The following ZBTB7C variants were observed in gnomAD, a reference collection of about 807,000 sequenced individuals.
ZBTB7C encodes the protein zinc finger and BTB domain-containing protein 7C.
A neutral mutation model predicts 25.7 loss-of-function variants in ZBTB7C; 8 were observed. The ratio of observed to expected loss-of-function variants is 0.31; its 90% CI spans 0.18 to 0.56. ZBTB7C has a LOEUF of 0.56. ZBTB7C is among the 20% of genes least tolerant of loss of function. The pLI, the probability that ZBTB7C is intolerant of heterozygous loss-of-function variation, is 0.91. For synonymous variants in ZBTB7C, 394 were observed against 369.0 expected, an observed-to-expected ratio of 1.07 and a Z score of -0.78; for missense variants, 824 against 855.2, an observed-to-expected ratio of 0.96 and a Z score of 0.46.
At chr18:48,047,195 C>T (rs996233475) in intron 3 of ZBTB7C, among the ~76,000 whole-genome samples, 1 of 152,168 alleles carries the variant, frequency 6.6e-6, no homozygotes, top group African/African-American at 2.4e-5. Flanking sequence ...CCTAAGATTC[C>T]CATGCCCTGG....
chr18:48,050,101 G>A (rs1305635463), intron 3 of ZBTB7C, among the ~76,000 whole-genome samples: 5 of 152,186 alleles, frequency 3.3e-5, no homozygotes, highest in Non-Finnish European at 2.9e-5. Context: ...GTTGGGCAGC[G>A]GCTACCTGCG....
chr18:48,282,834 A>G (rs56260339), intron 2 of ZBTB7C, among the ~76,000 whole-genome samples: 8,124 of 152,282 alleles, frequency 0.053, 260 homozygotes, highest in Non-Finnish European at 0.072. Context: ...AAGTCAGGAC[A>G]ATGGTTACCC....
At chr18:48,228,952 C>T (rs1409258490) in intron 2 of ZBTB7C, among the ~76,000 whole-genome samples, 1 of 152,120 alleles carries the variant, frequency 6.6e-6, no homozygotes, top group African/African-American at 2.4e-5. Flanking sequence ...AGCTGGCTCT[C>T]CAGTGGCAGC....
intron 2 of ZBTB7C, among the ~76,000 whole-genome samples, chr18:48,225,941 C>A (rs1320511638): frequency 6.6e-6 from 1 of 152,158 alleles, no homozygotes. Flanking sequence ...CGGGGTTTCA[C>A]CATGTTGGGC....
At chr18:48,209,121 G>C (rs2145236961) in intron 2 of ZBTB7C, among the ~76,000 whole-genome samples, 1 of 152,386 alleles carries the variant, frequency 6.6e-6, no homozygotes, top group Non-Finnish European at 1.5e-5. Context: ...AAAGAGGACA[G>C]AAAAGGGGTC....
chr18:48,276,152 A>G (rs2044644342), intron 2 of ZBTB7C, among the ~76,000 whole-genome samples: 2 of 152,036 alleles, frequency 1.3e-5, no homozygotes, highest in African/African-American at 4.8e-5. Flanking sequence ...AGGATCTCCT[A>G]TTGTAAAATT....
At chr18:48,348,947 C>A (rs1469384157) in intron 1 of ZBTB7C, among the ~76,000 whole-genome samples, 2 of 152,230 alleles carry the variant, frequency 1.3e-5, no homozygotes, top group Non-Finnish European at 2.9e-5. Flanking sequence ...GCTGTGCCTG[C>A]TGCCCCTCTG....
chr18:48,078,995 T>C lies in ZBTB7C; in HGVS notation c.-16-37872A>G, dbSNP rs115120203. 4.0e-3 allele frequency among the ~76,000 whole-genome samples: 611 copies of C among 152,388 alleles called. 6 individuals carry two copies. The highest frequency in any genetic ancestry group is 0.014 in the African/African-American group (574 of 41,594). On this transcript the variant is annotated intron_variant, in intron 3 of 4. Transcript: ENST00000590800. ...TCGGTTTAGTTTTGACTATTGTGAA[T>C]AGCGCTGCTGTGAATGTTGATGTAC...
chr18:48,141,220 C>G (rs867738916), intron 3 of ZBTB7C, among the ~76,000 whole-genome samples: 1 of 151,526 alleles, frequency 6.6e-6, no homozygotes. Flanking sequence ...AAATGCTCCC[C>G]CAACTTTGGG....
chr18:48,090,515 G>T (rs1382046016), intron 3 of ZBTB7C, among the ~76,000 whole-genome samples: 4 of 152,226 alleles, frequency 2.6e-5, no homozygotes, highest in African/African-American at 4.8e-5. Context: ...ACTTCTCCCT[G>T]CTGTGGGCCT....
At chr18:48,183,764 A>G (rs2041987220) in intron 3 of ZBTB7C, among the ~76,000 whole-genome samples, 1 of 152,176 alleles carries the variant, frequency 6.6e-6, no homozygotes, top group Admixed American at 6.5e-5. Context: ...TGGAAGCTGC[A>G]CCACCAGCAA....
At chr18:48,306,103 C>T (rs2045667438) in intron 2 of ZBTB7C, among the ~76,000 whole-genome samples, 1 of 152,240 alleles carries the variant, frequency 6.6e-6, no homozygotes, top group Non-Finnish European at 1.5e-5. Flanking sequence ...CCTGAGCACA[C>T]TCCCTATGCA....
intron 3 of ZBTB7C, among the ~76,000 whole-genome samples, chr18:48,097,012 A>G (rs2038658996): frequency 6.6e-6 from 1 of 152,258 alleles, no homozygotes; most frequent in Admixed American, 6.5e-5. Context: ...GGTCGCAGAT[A>G]CATGGAATAA....
At chr18:48,269,003 C>G (rs963885863) in intron 2 of ZBTB7C, among the ~76,000 whole-genome samples, 3 of 149,778 alleles carry the variant, frequency 2.0e-5, no homozygotes, top group African/African-American at 7.4e-5. Context: ...CTCTGCTGCC[C>G]AGGTTGGAGT....
chr18:48,037,591 G>A (rs897396529), intron 4 of ZBTB7C, among the ~76,000 whole-genome samples: 1 of 152,244 alleles, frequency 6.6e-6, no homozygotes, highest in Middle Eastern at 3.2e-3. Context: ...AGAAGGCTGT[G>A]CGTGGGGAAG....
chr18:48,172,034 A>G (rs2041500370), intron 3 of ZBTB7C, among the ~76,000 whole-genome samples: 1 of 152,222 alleles, frequency 6.6e-6, no homozygotes, highest in Non-Finnish European at 1.5e-5. Context: ...TGAAAGAGGC[A>G]GACAGTTTTG....
At position 48,261,477 on chromosome 18, in the gene ZBTB7C, C is replaced by T. The variant is rs1466831762; in HGVS notation, c.-78-75482G>A. ...GCTGTGGTGCAAAATAATGGCTTGG[C>T]GCTGCCGGAACTATGTGGGAAAGAC... On this transcript the variant is annotated intron_variant, in intron 2 of 4. Coordinates refer to ENST00000590800, the MANE Select transcript of ZBTB7C (RefSeq NM_001318841.2). Among the ~76,000 whole-genome samples the T allele has an allele frequency of 7.9e-5, 12 of 152,172 alleles. No individual in the cohort carries two copies. In the South Asian group the frequency reaches 1.2e-3, roughly 16 times the overall value.
chr18:48,170,651 G>GAGCC (rs2041442506), intron 3 of ZBTB7C, among the ~76,000 whole-genome samples: 1 of 152,182 alleles, frequency 6.6e-6, no homozygotes, highest in Non-Finnish European at 1.5e-5. Flanking sequence ...AGGAGAAAAA[G>GAGCC]AGCCATTGAC....
At chr18:48,401,386 C>G (rs2048155371) in intron 1 of ZBTB7C, among the ~76,000 whole-genome samples, 1 of 152,138 alleles carries the variant, frequency 6.6e-6, no homozygotes, top group Non-Finnish European at 1.5e-5. Flanking sequence ...TATCTTATCT[C>G]ATTTTCTCAG....
Sources: gnomAD v4.1 joint callset for allele counts (sites outside exome capture counted in the v4.1 genomes callset) on GRCh38, gnomAD v4.1.1 for gene constraint, MANE v1.5 for transcripts, NCBI Gene and HGNC (gene_info 2026-07-23, HGNC 2026-07-21) for gene names.